Variants in SSBP2 observed in about 807,000 individuals in gnomAD.
SSBP2 encodes single-stranded DNA-binding protein 2.
In SSBP2, 17 loss-of-function variants were observed where a neutral mutation model predicts 61.8. The observed-to-expected ratio is 0.28, with a 90% confidence interval of 0.19 to 0.41. The LOEUF (loss-of-function observed/expected upper bound fraction) is 0.41, where lower values mean the gene tolerates loss of function less well. Ranked by LOEUF, SSBP2 falls within the 10% of genes least tolerant of loss-of-function variation. The pLI, the probability that SSBP2 is intolerant of heterozygous loss-of-function variation, is 1.00. For synonymous variants in SSBP2, 139 were observed against 141.3 expected, an observed-to-expected ratio of 0.98 and a Z score of 0.12; for missense variants, 310 against 458.7, an observed-to-expected ratio of 0.68 and a Z score of 2.96.
intron 1 of SSBP2, among the ~76,000 whole-genome samples, chr5:81,677,444 G>C (rs137969023): frequency 2.0e-5 from 3 of 152,086 alleles, no homozygotes; most frequent in Non-Finnish European, 4.4e-5. Context: ...ATCTCTGCAG[G>C]AATCAGCGCC....
chr5:81,551,577 T>G (rs1413194263), intron 4 of SSBP2, among the ~76,000 whole-genome samples: 1 of 152,164 alleles, frequency 6.6e-6, no homozygotes, highest in African/African-American at 2.4e-5. Context: ...ACTTGCATTC[T>G]GTTATTTATT....
intron 1 of SSBP2, among the ~76,000 whole-genome samples, chr5:81,655,525 G>C (rs572963432): frequency 1.3e-5 from 2 of 152,266 alleles, no homozygotes; most frequent in African/African-American, 4.8e-5. Flanking sequence ...CAGTGACCAA[G>C]TTATCAAAAT....
chr5:81,750,331 G>T (rs1309197533), intron 1 of SSBP2, among the ~76,000 whole-genome samples: 2 of 144,938 alleles, frequency 1.4e-5, no homozygotes, highest in Non-Finnish European at 3.0e-5. Context: ...AAGCCCGGAC[G>T]CCCAACCCGC....
intron 4 of SSBP2, among the ~76,000 whole-genome samples, chr5:81,517,391 G>A (rs542244728): frequency 1.6e-3 from 227 of 143,534 alleles, no homozygotes; most frequent in African/African-American, 5.7e-3. Context: ...TTTTTTTGGA[G>A]AGTGACAACT....
intron 6 of SSBP2, among the ~76,000 whole-genome samples, chr5:81,479,582 T>A (rs1765832674): frequency 4.0e-5 from 6 of 150,076 alleles, no homozygotes. Context: ...TGTGAGCCAC[T>A]GTGCCCGGCC....
intron 6 of SSBP2, among the ~76,000 whole-genome samples, chr5:81,478,813 C>T (rs1765773819): frequency 6.6e-6 from 1 of 152,150 alleles, no homozygotes; most frequent in Non-Finnish European, 1.5e-5. Context: ...TAGAGTTATA[C>T]ACTCTGAACT....
chr5:81,739,765 A>C (rs1395937995), intron 1 of SSBP2, among the ~76,000 whole-genome samples: 1 of 152,212 alleles, frequency 6.6e-6, no homozygotes, highest in Non-Finnish European at 1.5e-5. Context: ...TTTAAATGCT[A>C]TTTTGGCAAA....
At chr5:81,488,412 T>C (rs746650052) in intron 6 of SSBP2, among the ~76,000 whole-genome samples, 35 of 152,116 alleles carry the variant, frequency 2.3e-4, no homozygotes, top group Non-Finnish European at 4.7e-4. Context: ...ATAATAGCCA[T>C]CCTTACAGCT....
intron 2 of SSBP2, among the ~76,000 whole-genome samples, chr5:81,648,092 A>C (rs1192667017): frequency 6.6e-6 from 1 of 152,076 alleles, no homozygotes; most frequent in Non-Finnish European, 1.5e-5. Flanking sequence ...TAAATCTTTT[A>C]AGTTTCTACT....
chr5:81,742,938 C>A (rs1397449141), intron 1 of SSBP2, among the ~76,000 whole-genome samples: 1 of 152,004 alleles, frequency 6.6e-6, no homozygotes, highest in Non-Finnish European at 1.5e-5. Flanking sequence ...AGAAAAAAGT[C>A]TGCTATGAGA....
chr5:81,694,587 A>T (rs1753465622), intron 1 of SSBP2, among the ~76,000 whole-genome samples: 2 of 151,960 alleles, frequency 1.3e-5, no homozygotes, highest in African/African-American at 2.4e-5. Context: ...TTCAATTTTT[A>T]AAAAGCCTCT....
chr5:81,521,299 A>G (rs1362374132), intron 4 of SSBP2, among the ~76,000 whole-genome samples: 1 of 151,912 alleles, frequency 6.6e-6, no homozygotes, highest in East Asian at 1.9e-4. Flanking sequence ...TTTTGTTTTT[A>G]TCATCTCTTC....
chr5:81,503,248 A>C (rs369288153), intron 5 of SSBP2, among the ~76,000 whole-genome samples: 1 of 152,094 alleles, frequency 6.6e-6, no homozygotes, highest in Non-Finnish European at 1.5e-5. Context: ...AGGTCAGGAG[A>C]TCAAGACCAA....
rs1755864876 is a variant in SSBP2, at chr5:81,726,052, GAGAC to G, written c.62+24925_62+24928del. Among the ~76,000 whole-genome samples, 3 of 152,096 alleles carry G rather than the reference GAGAC, an allele frequency of 2.0e-5. 1 individual carries two copies. In the South Asian group the frequency reaches 6.2e-4, roughly 31 times the overall value. ...AAAACAGCACCATATATTTTTTAAA[GAGAC>G]AGACATATTCAAAAAAACATTAGTA... On this transcript the variant is annotated intron_variant, in intron 1 of 16. Transcript: ENST00000320672.
At chr5:81,485,679 A>G (rs1766326578) in intron 6 of SSBP2, among the ~76,000 whole-genome samples, 4 of 152,142 alleles carry the variant, frequency 2.6e-5, no homozygotes, top group African/African-American at 9.7e-5. Context: ...AAATTTTATT[A>G]TTTGTTTATT....
chr5:81,612,532 T>A (rs951294350), intron 4 of SSBP2, among the ~76,000 whole-genome samples: 2 of 152,104 alleles, frequency 1.3e-5, no homozygotes, highest in African/African-American at 2.4e-5. Context: ...TTTGGCCTAT[T>A]TTAAATTAAC....
At chr5:81,521,152 G>C (rs1452042725) in intron 4 of SSBP2, among the ~76,000 whole-genome samples, 1 of 151,852 alleles carries the variant, frequency 6.6e-6, no homozygotes, top group Non-Finnish European at 1.5e-5. Flanking sequence ...TGCTTTAAAG[G>C]TATTAAAGTT....
At position 81,751,009 on chromosome 5, in the gene SSBP2, C is replaced by T. The variant is rs757708024; in HGVS notation, c.34G>A (p.Val12Ile). 1 of 1,599,376 alleles carries T rather than the reference C, an allele frequency of 6.3e-7. No homozygotes were observed. Among genetic ancestry groups the T allele is most frequent in the South Asian group, 1.1e-5 (1 of 88,478 alleles). ...TCCCGGGCCTGGCTGTCGGACGGGA[C>T]GGCGCTGCTGTTACTCTTGCCTTTG... The change falls in exon 1 of 17, where the codon GTC (valine) becomes ATC (isoleucine). Residue 12 changes from valine (V) to isoleucine (I), a missense_variant. By Grantham distance (29) the Val-to-Ile change is conservative (BLOSUM62 3). Transcript: ENST00000320672.
chr5:81,751,160 G>A (rs1050905768), upstream of SSBP2: 11 of 1,071,238 alleles, frequency 1.0e-5, no homozygotes, highest in African/African-American at 6.3e-5. Context: ...GCCGCCCCAC[G>A]CCAAAGCTCC....
Sources: gnomAD v4.1 joint callset for allele counts (sites outside exome capture counted in the v4.1 genomes callset) on GRCh38, gnomAD v4.1.1 for gene constraint, MANE v1.5 for transcripts, NCBI Gene and HGNC (gene_info 2026-07-23, HGNC 2026-07-21) for gene names.